Variants in LSAMP observed in about 807,000 individuals in gnomAD.
LSAMP encodes the protein limbic system-associated membrane protein.
Under a neutral mutation model 38.6 loss-of-function variants are expected in LSAMP, and 7 were observed. That is an observed-to-expected ratio of 0.18 (90% CI 0.10 to 0.34). The LOEUF (loss-of-function observed/expected upper bound fraction) is 0.34, where lower values mean the gene tolerates loss of function less well. Among genes scored for constraint, LSAMP ranks in the 10% least tolerant of loss-of-function variants. LSAMP has a pLI of 1.00. For missense variants in LSAMP, 313 were observed against 420.0 expected (o/e 0.75, Z 2.23); for synonymous variants, 154 against 166.8 (o/e 0.92, Z 0.59).
intron 1 of LSAMP, among the ~76,000 whole-genome samples, chr3:116,298,960 A>G (rs949049138): frequency 6.6e-6 from 1 of 152,200 alleles, no homozygotes; most frequent in African/African-American, 2.4e-5. Flanking sequence ...TTATGAAGAA[A>G]GGGGTGTGGG....
intron 3 of LSAMP, among the ~76,000 whole-genome samples, chr3:115,913,349 A>C (rs987016393): frequency 2.0e-5 from 3 of 152,184 alleles, no homozygotes; most frequent in African/African-American, 7.2e-5. Flanking sequence ...TTTCTCATGC[A>C]GTTGGTTTTA....
intron 1 of LSAMP, among the ~76,000 whole-genome samples, chr3:116,138,393 A>G (rs543235796): frequency 2.0e-5 from 3 of 152,194 alleles, no homozygotes; most frequent in South Asian, 4.1e-4. Context: ...TCAACTTTCT[A>G]TTTTAAATAT....
chr3:116,199,742 C>G (rs1247649511), intron 1 of LSAMP, among the ~76,000 whole-genome samples: 1 of 151,322 alleles, frequency 6.6e-6, no homozygotes, highest in African/African-American at 2.4e-5. Flanking sequence ...TTAGATTAAG[C>G]AAATAATATT....
chr3:115,856,003 A>C (rs1196469233), intron 3 of LSAMP, among the ~76,000 whole-genome samples: 1 of 152,128 alleles, frequency 6.6e-6, no homozygotes, highest in Non-Finnish European at 1.5e-5. Flanking sequence ...TTCACTTGAG[A>C]ATTTCTTACC....
chr3:116,169,023 A>G (rs1710129665), intron 1 of LSAMP, among the ~76,000 whole-genome samples: 1 of 152,148 alleles, frequency 6.6e-6, no homozygotes, highest in South Asian at 2.1e-4. Flanking sequence ...CAACACAGCA[A>G]GACACGGTTT....
intron 1 of LSAMP, among the ~76,000 whole-genome samples, chr3:116,107,463 A>G (rs1386944810): frequency 6.6e-6 from 1 of 152,214 alleles, no homozygotes; most frequent in East Asian, 1.9e-4. Flanking sequence ...CAGAAAGGCT[A>G]CAGGGTGCGG....
chr3:116,278,077 G>T (rs1227693779), intron 1 of LSAMP, among the ~76,000 whole-genome samples: 2 of 152,114 alleles, frequency 1.3e-5, no homozygotes, highest in African/African-American at 4.8e-5. Context: ...ATTAAAGAGG[G>T]AAAGCACTAT....
At chr3:115,928,881 T>C (rs948490553) in intron 3 of LSAMP, among the ~76,000 whole-genome samples, 26 of 151,850 alleles carry the variant, frequency 1.7e-4, no homozygotes, top group African/African-American at 5.1e-4. Context: ...GCTAAGGGCG[T>C]AGGGAAGAAG....
intron 1 of LSAMP, among the ~76,000 whole-genome samples, chr3:116,270,766 T>C (rs1576472603): frequency 6.6e-6 from 1 of 152,128 alleles, no homozygotes; most frequent in African/African-American, 2.4e-5. Context: ...AATGTCACTT[T>C]ATAGAAAAAG....
intron 1 of LSAMP, among the ~76,000 whole-genome samples, chr3:116,252,093 G>T (rs573935876): frequency 6.6e-6 from 1 of 152,284 alleles, no homozygotes; most frequent in African/African-American, 2.4e-5. Context: ...CTCACTGTTG[G>T]CTAGAAACAA....
intron 2 of LSAMP, among the ~76,000 whole-genome samples, chr3:116,031,035 TTGAA>T (rs1355571386): frequency 2.0e-5 from 3 of 152,078 alleles, no homozygotes; most frequent in African/African-American, 7.2e-5. Context: ...ATTGAAAAAA[TTGAA>T]TGTGAGGAAA....
intron 6 of LSAMP, among the ~76,000 whole-genome samples, chr3:115,812,394 C>T (rs992303449): frequency 2.0e-5 from 3 of 152,110 alleles, no homozygotes; most frequent in Admixed American, 1.3e-4. Context: ...TGCATGAAAG[C>T]ACCCGATTAG....
intron 6 of LSAMP, among the ~76,000 whole-genome samples, chr3:115,818,753 TTA>T (rs200161366): frequency 2.6e-5 from 3 of 113,438 alleles, no homozygotes; most frequent in East Asian, 2.9e-4. Flanking sequence ...ATATAATAAA[TTA>T]TATATATATA....
intron 6 of LSAMP, among the ~76,000 whole-genome samples, chr3:115,822,364 T>G (rs1282916709): frequency 0.15 from 441 of 2,870 alleles, 17 homozygotes; most frequent in East Asian, 0.52. Flanking sequence ...CTTTCCTTCT[T>G]TTTTTTTTTT....
At chr3:116,439,776 G>A (rs2049408481) in intron 1 of LSAMP, among the ~76,000 whole-genome samples, 1 of 152,192 alleles carries the variant, frequency 6.6e-6, no homozygotes. Flanking sequence ...AGGCTGGAGC[G>A]CAGTGGCGCG....
chr3:116,292,037 T>C (rs561825521), intron 1 of LSAMP, among the ~76,000 whole-genome samples: 1 of 152,268 alleles, frequency 6.6e-6, no homozygotes, highest in African/African-American at 2.4e-5. Context: ...ATGGTACCAC[T>C]CGCAAAAGAT....
intron 1 of LSAMP, among the ~76,000 whole-genome samples, chr3:116,402,883 G>C (rs1244761339): frequency 6.6e-6 from 1 of 151,848 alleles, no homozygotes; most frequent in African/African-American, 2.4e-5. Flanking sequence ...TGTGCAGTAA[G>C]CACATCTTTA....
chr3:115,859,711 G>A (rs967757816), intron 3 of LSAMP, among the ~76,000 whole-genome samples: 2 of 152,140 alleles, frequency 1.3e-5, no homozygotes, highest in Admixed American at 1.3e-4. Flanking sequence ...GAACATCCTG[G>A]GATTATTCTT....
intron 1 of LSAMP, among the ~76,000 whole-genome samples, chr3:116,400,664 G>A (rs2107825698): frequency 6.6e-6 from 1 of 152,056 alleles, no homozygotes; most frequent in Admixed American, 6.6e-5. Context: ...TTTTAGTAGG[G>A]ACGGGGTTTC....
Sources: gnomAD v4.1 joint callset for allele counts (sites outside exome capture counted in the v4.1 genomes callset) on GRCh38, gnomAD v4.1.1 for gene constraint, MANE v1.5 for transcripts, NCBI Gene and HGNC (gene_info 2026-07-23, HGNC 2026-07-21) for gene names.